Variants in KAT6B observed in about 807,000 individuals in gnomAD.
The protein encoded by KAT6B is lysine acetyltransferase 6B.
A neutral mutation model predicts 187.5 loss-of-function variants in KAT6B; 10 were observed. The ratio of observed to expected loss-of-function variants is 0.05; its 90% CI spans 0.03 to 0.09. The LOEUF (loss-of-function observed/expected upper bound fraction) is 0.09, where lower values mean the gene tolerates loss of function less well. Ranked by LOEUF, KAT6B falls within the 10% of genes least tolerant of loss-of-function variation. The probability of loss-of-function intolerance (pLI) is 1.00; values close to 1 mark genes in which losing one functional copy is unlikely to be tolerated. For missense variants in KAT6B, 1,952 were observed against 2,558.9 expected, an observed-to-expected ratio of 0.76 and a Z score of 5.12; for synonymous variants, 861 against 926.8, an observed-to-expected ratio of 0.93 and a Z score of 1.29.
intron 13 of KAT6B, among the ~76,000 whole-genome samples, chr10:75,004,278 T>G (rs1252494936): frequency 6.6e-6 from 1 of 152,140 alleles, no homozygotes; most frequent in African/African-American, 2.4e-5. Flanking sequence ...ATGAGCACAG[T>G]GCCTAGCACA....
intron 3 of KAT6B, among the ~76,000 whole-genome samples, chr10:74,871,688 T>C (rs868409351): frequency 6.6e-6 from 1 of 152,170 alleles, no homozygotes; most frequent in Admixed American, 6.5e-5. Flanking sequence ...AAGAATAGGC[T>C]GCAACACTCA....
rs764719623 is a variant in KAT6B at position 75,030,098 on chromosome 10, G to T, written c.5274G>T (p.Arg1758Ser). 1 of 1,614,214 alleles carries T rather than the reference G, an allele frequency of 6.2e-7. No individual in the cohort carries two copies. Residue 1758 changes from arginine (R) to serine (S), a missense_variant, in exon 18 of 18, where the codon AGG (arginine) becomes AGT (serine). Coordinates refer to ENST00000287239, the MANE Select transcript of KAT6B (RefSeq NM_012330.4). This position sits in a 1 kb window ranked among gnomAD's most constrained non-coding sequence, Gnocchi z 4.8. The part of the protein sequence containing the change: ...VKSPQGCVVE[R>S]PPSSSQQLAQ... The stretch of plus-strand genomic sequence containing the variant: ...CTCCTCAAGGCTGTGTGGTGGAGAG[G>T]CCTCCGAGCAGCAGCCAGCAGCTGG...
chr10:75,029,123 C>T lies in KAT6B; in HGVS notation c.4299C>T (p.His1433=). 1 of 1,614,182 alleles carries T rather than the reference C, an allele frequency of 6.2e-7. No homozygotes were observed. Among genetic ancestry groups the T allele is most frequent in the Middle Eastern group, 1.6e-4 (1 of 6,062 alleles). The change falls in exon 18 of 18, where the codon CAC becomes CAT. Residue 1433 remains histidine (H), a synonymous_variant. Coordinates refer to ENST00000287239, the MANE Select transcript of KAT6B (RefSeq NM_012330.4). The surrounding 1 kb of genome is among the most constrained non-coding windows in gnomAD (Gnocchi z 6.2). The part of the protein sequence containing the change: ...DHDADDEDDS[H]MESAEVEKEE... ...ATGCCGATGACGAGGATGACAGCCA[C>T]ATGGAGTCTGCCGAAGTGGAGAAGG...
intron 6 of KAT6B, 92 bp from the exon 7 acceptor site, chr10:74,972,415 C>A: frequency 1.0e-6 from 1 of 961,488 alleles, no homozygotes; most frequent in Non-Finnish European, 1.6e-6. Flanking sequence ...TACAGGCATC[C>A]TTGAGCAGCT....
At chr10:74,930,888 T>C (rs1423582385) in intron 3 of KAT6B, among the ~76,000 whole-genome samples, 1 of 152,248 alleles carries the variant, frequency 6.6e-6, no homozygotes, top group Non-Finnish European at 1.5e-5. Flanking sequence ...TTTTTTTCAC[T>C]GTTAATCAAA....
At chr10:74,829,984 C>T (rs550289687) in intron 1 of KAT6B, among the ~76,000 whole-genome samples, 23 of 148,454 alleles carry the variant, frequency 1.5e-4, no homozygotes, top group South Asian at 1.5e-3. Flanking sequence ...CACCACTGCA[C>T]TCCAGCCTGG....
chr10:74,916,123 C>T (rs902274142), intron 3 of KAT6B, among the ~76,000 whole-genome samples: 1 of 152,120 alleles, frequency 6.6e-6, no homozygotes, highest in Non-Finnish European at 1.5e-5. Context: ...GATTGTGACA[C>T]TGCACTCCAG....
intron 13 of KAT6B, among the ~76,000 whole-genome samples, chr10:75,013,088 G>A (rs1844726297): frequency 6.6e-6 from 1 of 152,134 alleles, no homozygotes; most frequent in Admixed American, 6.5e-5. Flanking sequence ...GACATGCTGT[G>A]TCCATGCTCA....
chr10:75,030,903 A>G lies in KAT6B; in HGVS notation c.6079A>G (p.Met2027Val), dbSNP rs1564633848. The change falls in exon 18 of 18, where the codon ATG becomes GTG. Residue 2027 changes from methionine (M) to valine (V), a missense_variant. Met to Val is a conservative substitution (Grantham distance 21, BLOSUM62 1). Coordinates refer to ENST00000287239, the MANE Select transcript of KAT6B (RefSeq NM_012330.4). This position sits in a 1 kb window ranked among gnomAD's most constrained non-coding sequence, Gnocchi z 4.8. ...ATACCCTATGCAGATGCAGATGGGC[A>G]TGATGGGCACCCAGCCATATGCCCA... ...PQYPMQMQMG[M>V]MGTQPYAQQP... 6.2e-7 allele frequency: 1 copy of G among 1,613,992 alleles called. No individual in the cohort carries two copies. The highest frequency in any genetic ancestry group is 1.7e-5 in the Admixed American group (1 of 60,022).
intron 1 of KAT6B, among the ~76,000 whole-genome samples, chr10:74,830,201 A>G (rs994913201): frequency 6.6e-6 from 1 of 152,110 alleles, no homozygotes. Flanking sequence ...ATCTTTTTAT[A>G]GAACTCCCAT....
At chr10:74,880,168 A>C (rs1451701411) in intron 3 of KAT6B, among the ~76,000 whole-genome samples, 1 of 152,234 alleles carries the variant, frequency 6.6e-6, no homozygotes, top group Non-Finnish European at 1.5e-5. Flanking sequence ...ACCACTGTCT[A>C]ATTCCAGAAC....
chr10:75,012,597 G>T (rs1844688750), intron 13 of KAT6B, among the ~76,000 whole-genome samples: 1 of 152,244 alleles, frequency 6.6e-6, no homozygotes, highest in African/African-American at 2.4e-5. Flanking sequence ...CATCCACAGA[G>T]GTCTACGCTT....
At chr10:74,978,783 C>T (rs975238350) in intron 9 of KAT6B, among the ~76,000 whole-genome samples, 1 of 152,188 alleles carries the variant, frequency 6.6e-6, no homozygotes, top group South Asian at 2.1e-4. Flanking sequence ...ATAAATACTA[C>T]TTCGTGGAGG....
intron 13 of KAT6B, among the ~76,000 whole-genome samples, chr10:75,013,903 A>G (rs185570646): frequency 6.6e-6 from 1 of 152,294 alleles, no homozygotes; most frequent in East Asian, 1.9e-4. Context: ...CCACCCACCC[A>G]TAGAGCCTCT....
At chr10:74,958,390 T>C (rs145222967) in intron 3 of KAT6B, among the ~76,000 whole-genome samples, 1 of 152,366 alleles carries the variant, frequency 6.6e-6, no homozygotes, top group Non-Finnish European at 1.5e-5. Context: ...TTAATTTACA[T>C]TTAAAAACAT....
intron 13 of KAT6B, among the ~76,000 whole-genome samples, chr10:75,015,922 C>T (rs986580628): frequency 3.3e-5 from 5 of 152,184 alleles, no homozygotes; most frequent in African/African-American, 1.2e-4. Context: ...TGGAGGTGTG[C>T]AGGGGTGAGG....
chr10:74,954,739 T>C (rs1166519715), intron 3 of KAT6B, among the ~76,000 whole-genome samples: 1 of 152,262 alleles, frequency 6.6e-6, no homozygotes, highest in Non-Finnish European at 1.5e-5. Context: ...ACATTGTGAT[T>C]GGCTGATACG....
chr10:75,010,490 G>A (rs1297986590), intron 13 of KAT6B, among the ~76,000 whole-genome samples: 3 of 152,124 alleles, frequency 2.0e-5, no homozygotes, highest in Admixed American at 2.0e-4. Flanking sequence ...TGTTTGCTGT[G>A]TGAAAGCTCA....
intron 13 of KAT6B, among the ~76,000 whole-genome samples, chr10:75,002,187 G>A (rs1352678662): frequency 6.6e-6 from 1 of 152,066 alleles, no homozygotes; most frequent in Non-Finnish European, 1.5e-5. Context: ...ACATGATGAG[G>A]GAGATCATGA....
Sources: gnomAD v4.1 joint callset for allele counts (sites outside exome capture counted in the v4.1 genomes callset) on GRCh38, gnomAD v4.1.1 for gene constraint, Gnocchi (gnomAD v3.1) non-coding constraint, MANE v1.5 for transcripts, NCBI Gene and HGNC (gene_info 2026-07-23, HGNC 2026-07-21) for gene names.